Variants in CDON observed in about 807,000 individuals in gnomAD.
CDON encodes the protein cell adhesion associated, oncogene regulated, also known as cell adhesion molecule-related/down-regulated by oncogenes.
CDON carries 73 observed loss-of-function variants against 120.9 expected under a neutral mutation model. The observed-to-expected ratio is 0.60, with a 90% confidence interval of 0.50 to 0.73. The LOEUF (loss-of-function observed/expected upper bound fraction) is 0.73. Among genes scored for constraint, CDON ranks in the 30% least tolerant of loss-of-function variants. The pLI is 0.00. For missense variants in CDON, 1,470 were observed against 1,587.3 expected (o/e 0.93, Z 1.26); for synonymous variants, 566 against 573.5 (o/e 0.99, Z 0.19).
chr11:126,013,897 CAGA>C (rs1947380686), intron 7 of CDON, among the ~76,000 whole-genome samples: 1 of 152,068 alleles, frequency 6.6e-6, no homozygotes, highest in African/African-American at 2.4e-5. Flanking sequence ...TTTACAGCCA[CAGA>C]AGGCTATAAA....
chr11:126,026,842 G>C (rs1030610160), intron 1 of CDON, among the ~76,000 whole-genome samples: 1 of 152,202 alleles, frequency 6.6e-6, no homozygotes, highest in Non-Finnish European at 1.5e-5. Flanking sequence ...TTGTTAACAG[G>C]AGACATTTTC....
chr11:125,973,917 CAGAGTTTCGCTCTTGTTG>C (rs1946073919), intron 18 of CDON, among the ~76,000 whole-genome samples: 1 of 151,320 alleles, frequency 6.6e-6, no homozygotes, highest in African/African-American at 2.4e-5. Context: ...TCTTTTGAGA[CAGAGTTTCGCTCTTGTTG>C]CCCAGCCTGG....
upstream of CDON, chr11:126,063,325 C>T (rs1052931092): frequency 6.6e-6 from 1 of 151,774 alleles, no homozygotes; most frequent in Non-Finnish European, 1.5e-5. Flanking sequence ...ATGGTCGACT[C>T]TGTCCCCCGA....
At chr11:126,027,880 C>T (rs1341468500) in intron 1 of CDON, among the ~76,000 whole-genome samples, 1 of 151,600 alleles carries the variant, frequency 6.6e-6, no homozygotes, top group Non-Finnish European at 1.5e-5. Flanking sequence ...GTGAACATAA[C>T]ATTCAAATCT....
intron 18 of CDON, among the ~76,000 whole-genome samples, chr11:125,968,684 G>A (rs1439561918): frequency 2.0e-5 from 3 of 152,216 alleles, no homozygotes; most frequent in Non-Finnish European, 4.4e-5. Flanking sequence ...CTAGAGTGGT[G>A]TTGACGGTAA....
At chr11:125,977,568 A>G (rs1333636184) in intron 18 of CDON, among the ~76,000 whole-genome samples, 1 of 152,230 alleles carries the variant, frequency 6.6e-6, no homozygotes, top group Admixed American at 6.5e-5. Flanking sequence ...GACTTTTGAC[A>G]CCATGTAATT....
chr11:126,036,651 CTTTT>C (rs1237153939), intron 1 of CDON, among the ~76,000 whole-genome samples: 1 of 152,192 alleles, frequency 6.6e-6, no homozygotes, highest in Non-Finnish European at 1.5e-5. Flanking sequence ...ATGAGGGTTT[CTTTT>C]GTTTTTAGTG....
At chr11:125,995,836 T>G (rs2134531167) in intron 12 of CDON, among the ~76,000 whole-genome samples, 1 of 152,362 alleles carries the variant, frequency 6.6e-6, no homozygotes, top group South Asian at 2.1e-4. Flanking sequence ...TGTTGCTTGT[T>G]TTGACAGCCA....
At chr11:126,059,658 T>C (rs1948751793) in intron 1 of CDON, among the ~76,000 whole-genome samples, 1 of 151,992 alleles carries the variant, frequency 6.6e-6, no homozygotes, top group Non-Finnish European at 1.5e-5. Flanking sequence ...CCCGCTGGGG[T>C]AAGGAGCAGC....
intron 18 of CDON, among the ~76,000 whole-genome samples, chr11:125,975,603 A>G (rs1249227263): frequency 6.6e-6 from 1 of 152,198 alleles, no homozygotes. Context: ...TGGTCCCAGG[A>G]CCATGGGCAT....
At chr11:125,992,662 A>T (rs550920144) in intron 14 of CDON, among the ~76,000 whole-genome samples, 58 of 152,374 alleles carry the variant, frequency 3.8e-4, no homozygotes, top group African/African-American at 1.3e-3. Flanking sequence ...CTGAGCATTA[A>T]AAATTGGATC....
intron 18 of CDON, among the ~76,000 whole-genome samples, chr11:125,971,155 G>A (rs893462165): frequency 1.6e-4 from 24 of 152,048 alleles, no homozygotes; most frequent in Non-Finnish European, 1.3e-4. Flanking sequence ...GGGCCAAGGC[G>A]GGCGGATCAC....
At chr11:125,985,228 G>A (rs1213435120) in intron 15 of CDON, among the ~76,000 whole-genome samples, 1 of 152,168 alleles carries the variant, frequency 6.6e-6, no homozygotes, top group East Asian at 1.9e-4. Flanking sequence ...AGGCTGGAGT[G>A]CAATGGTGTG....
chr11:126,016,646 T>C (rs1947477038), intron 6 of CDON, among the ~76,000 whole-genome samples: 1 of 152,066 alleles, frequency 6.6e-6, no homozygotes, highest in African/African-American at 2.4e-5. Flanking sequence ...TTGCCCAAGA[T>C]AGTGTTGGAC....
chr11:126,014,922 A>G, intron 7 of CDON: 1 of 329,194 alleles, frequency 3.0e-6, no homozygotes, highest in Non-Finnish European at 5.7e-6. Flanking sequence ...CAAGAAACTG[A>G]TAAAACTAAT....
At chr11:126,048,770 C>G (rs1948474085) in intron 1 of CDON, among the ~76,000 whole-genome samples, 1 of 152,086 alleles carries the variant, frequency 6.6e-6, no homozygotes, top group Non-Finnish European at 1.5e-5. Flanking sequence ...ATGTGGCAGT[C>G]TCAGCTCACT....
chr11:126,005,246 G>A (rs1947077491), intron 9 of CDON: 1 of 154,644 alleles, frequency 6.5e-6, no homozygotes, highest in African/African-American at 2.5e-5. Flanking sequence ...CAGTTGCAGT[G>A]AGACGAGATC....
chr11:126,042,843 G>A (rs1049848076), intron 1 of CDON, among the ~76,000 whole-genome samples: 5 of 152,050 alleles, frequency 3.3e-5, no homozygotes, highest in African/African-American at 4.8e-5. Context: ...GGCTGGTCTC[G>A]AACTCCTAAG....
rs376724826 is a variant in CDON, at chr11:125,961,063, C to T, written c.3674G>A (p.Ser1225Asn). The change falls in exon 20 of 20, where the codon AGT becomes AAT. Residue 1225 changes from serine to asparagine, a missense_variant. Physicochemically the swap from Ser to Asn is conservative, Grantham distance 46. Coordinates refer to ENST00000531738, the MANE Select transcript of CDON (RefSeq NM_001378964.1). ...AHSETEINIV[S>N]WNALILPPVP... Reference sequence around the variant, plus strand: ...AGGTGGCAAAATAAGAGCATTCCAACTTACAATGTTGATCTCTGTTTCTGA... The same window carrying T: ...AGGTGGCAAAATAAGAGCATTCCAATTTACAATGTTGATCTCTGTTTCTGA... The T allele has an allele frequency of 1.3e-5, 21 of 1,613,840 alleles. No individual in the cohort carries two copies. The African/African-American group carries it at 2.5e-4, about 19-fold the overall frequency.
Sources: gnomAD v4.1 joint callset for allele counts (sites outside exome capture counted in the v4.1 genomes callset) on GRCh38, gnomAD v4.1.1 for gene constraint, MANE v1.5 for transcripts, NCBI Gene and HGNC (gene_info 2026-07-23, HGNC 2026-07-21) for gene names.